Variants in DPP10 observed in about 807,000 individuals in gnomAD.
The protein encoded by DPP10 is dipeptidyl peptidase like 10.
DPP10 carries 33 observed loss-of-function variants against 120.9 expected under a neutral mutation model. The observed-to-expected ratio is 0.27, with a 90% CI of 0.21 to 0.37. The LOEUF (loss-of-function observed/expected upper bound fraction) is 0.37. Among genes scored for constraint, DPP10 ranks in the 10% least tolerant of loss-of-function variants. The pLI is 1.00. For missense variants in DPP10, 816 were observed against 942.8 expected, an observed-to-expected ratio of 0.87 and a Z score of 1.76; for synonymous variants, 337 against 326.1, an observed-to-expected ratio of 1.03 and a Z score of -0.36.
intron 7 of DPP10, among the ~76,000 whole-genome samples, chr2:115,713,121 C>A (rs189190369): frequency 6.6e-6 from 1 of 151,080 alleles, no homozygotes; most frequent in Admixed American, 6.6e-5. Context: ...GAAGTAGAAA[C>A]GTTTTGATGT....
intron 3 of DPP10, among the ~76,000 whole-genome samples, chr2:115,420,975 A>G (rs1464397683): frequency 6.6e-6 from 1 of 152,214 alleles, no homozygotes; most frequent in African/African-American, 2.4e-5. Flanking sequence ...TTATTGTTAT[A>G]AGATATATTT....
intron 1 of DPP10, among the ~76,000 whole-genome samples, chr2:114,688,463 A>T (rs1299060916): frequency 6.6e-6 from 1 of 151,912 alleles, no homozygotes; most frequent in Non-Finnish European, 1.5e-5. Flanking sequence ...CTGTGCATTC[A>T]TGTAGAAATG....
At chr2:114,501,352 G>T (rs1226691310) in intron 1 of DPP10, among the ~76,000 whole-genome samples, 1 of 152,152 alleles carries the variant, frequency 6.6e-6, no homozygotes, top group African/African-American at 2.4e-5. Context: ...TTTATCATGT[G>T]ATTATTAGTC....
intron 5 of DPP10, among the ~76,000 whole-genome samples, chr2:115,623,474 T>G (rs1031455615): frequency 6.6e-6 from 1 of 152,248 alleles, no homozygotes; most frequent in Non-Finnish European, 1.5e-5. Flanking sequence ...CATATTTATT[T>G]AACAAGTTAT....
rs987661080 is a variant in DPP10 at position 115,079,275 on chromosome 2, G to T, written c.61-229964G>T. On this transcript the variant is annotated intron_variant, in intron 1 of 25. Transcript: ENST00000410059. ...GGCACCTGTAATCCAAGCTACTCAG[G>T]AGGCTGAGGCAGGAGGATGGCGTGA... Among the ~76,000 whole-genome samples the T allele has an allele frequency of 4.6e-5, 7 of 152,164 alleles. No homozygotes were observed. In the South Asian group the frequency reaches 1.5e-3, roughly 32 times the overall value.
At chr2:115,308,693 G>GTTTT (rs3068805) in intron 1 of DPP10, among the ~76,000 whole-genome samples, 17 of 126,642 alleles carry the variant, frequency 1.3e-4, no homozygotes, top group African/African-American at 3.8e-4. Flanking sequence ...ACTAAATCCT[G>GTTTT]TTTTTTTTTT....
intron 5 of DPP10, among the ~76,000 whole-genome samples, chr2:115,564,173 T>C (rs939367965): frequency 6.6e-6 from 1 of 151,714 alleles, no homozygotes; most frequent in African/African-American, 2.4e-5. Context: ...AAATGTGAGA[T>C]GGAATATATT....
intron 1 of DPP10, among the ~76,000 whole-genome samples, chr2:115,231,321 G>A (rs1451947988): frequency 1.3e-5 from 2 of 151,994 alleles, no homozygotes; most frequent in Non-Finnish European, 2.9e-5. Flanking sequence ...ATAATAGCAT[G>A]CATTCTATTT....
rs537752647 is a variant in DPP10, at chr2:115,334,451, A to G, written c.176-9366A>G. 7.3e-5 allele frequency among the ~76,000 whole-genome samples: 11 copies of G among 151,520 alleles called. No individual in the cohort carries two copies. In the Admixed American group the frequency reaches 7.3e-4, roughly 10 times the overall value. On this transcript the variant is annotated intron_variant, in intron 2 of 25. Transcript: ENST00000410059. The stretch of plus-strand genomic sequence containing the variant: ...GCTTCACAATACTAAGTGACAAGCT[A>G]TTAGGTTTTCTTCATTAAAGAGCTT...
At chr2:115,572,176 G>A (rs2081372668) in intron 5 of DPP10, among the ~76,000 whole-genome samples, 1 of 151,316 alleles carries the variant, frequency 6.6e-6, no homozygotes, top group African/African-American at 2.4e-5. Context: ...ATTTTTATAG[G>A]TATGCTAAAG....
intron 5 of DPP10, among the ~76,000 whole-genome samples, chr2:115,653,268 C>G (rs1156560023): frequency 2.3e-4 from 35 of 151,866 alleles, no homozygotes; most frequent in Non-Finnish European, 1.5e-5. Flanking sequence ...ATAGACAAAA[C>G]ATACATTAAA....
chr2:114,478,004 T>C (rs2104658369), intron 1 of DPP10, among the ~76,000 whole-genome samples: 1 of 151,834 alleles, frequency 6.6e-6, no homozygotes, highest in African/African-American at 2.4e-5. Flanking sequence ...TGTATATATG[T>C]ATGTATTTCT....
At chr2:114,479,236 A>G (rs1295968565) in intron 1 of DPP10, among the ~76,000 whole-genome samples, 1 of 152,166 alleles carries the variant, frequency 6.6e-6, no homozygotes, top group African/African-American at 2.4e-5. Context: ...ACACATAGAC[A>G]AGCTTATTCT....
At chr2:114,967,608 A>G (rs560023909) in intron 1 of DPP10, among the ~76,000 whole-genome samples, 9 of 152,248 alleles carry the variant, frequency 5.9e-5, no homozygotes, top group African/African-American at 2.2e-4. Flanking sequence ...GGAAAATGAG[A>G]AATGAATGGT....
intron 3 of DPP10, among the ~76,000 whole-genome samples, chr2:115,431,374 T>C (rs1240148222): frequency 2.0e-5 from 3 of 152,010 alleles, no homozygotes; most frequent in Non-Finnish European, 4.4e-5. Context: ...GCCCATGGGG[T>C]AAGATAACCA....
chr2:115,598,733 T>G (rs2083137229), intron 5 of DPP10, among the ~76,000 whole-genome samples: 1 of 151,722 alleles, frequency 6.6e-6, no homozygotes, highest in South Asian at 2.1e-4. Context: ...AATTTAACAT[T>G]TTTAATGCGG....
intron 5 of DPP10, among the ~76,000 whole-genome samples, chr2:115,597,656 C>G (rs902780448): frequency 6.6e-6 from 1 of 151,310 alleles, no homozygotes; most frequent in Non-Finnish European, 1.5e-5. Context: ...TTTAATTAAG[C>G]AGATTTCTAA....
chr2:115,356,177 C>A (rs1157339524), intron 3 of DPP10, among the ~76,000 whole-genome samples: 1 of 152,018 alleles, frequency 6.6e-6, no homozygotes, highest in African/African-American at 2.4e-5. Context: ...GTTGGTTCTT[C>A]CTGTCCATGA....
chr2:114,601,277 C>T (rs1021397779), intron 1 of DPP10, among the ~76,000 whole-genome samples: 1 of 151,870 alleles, frequency 6.6e-6, no homozygotes, highest in African/African-American at 2.4e-5. Flanking sequence ...GTGTAGGTGC[C>T]ACCAAGTCCT....
Sources: gnomAD v4.1 joint callset for allele counts (sites outside exome capture counted in the v4.1 genomes callset) on GRCh38, gnomAD v4.1.1 for gene constraint, MANE v1.5 for transcripts, NCBI Gene and HGNC (gene_info 2026-07-23, HGNC 2026-07-21) for gene names.